CELSR1: variants seen among roughly 807,000 people sequenced by gnomAD.
The protein encoded by CELSR1 is cadherin EGF LAG seven-pass G-type receptor 1.
In CELSR1, 110 loss-of-function variants were observed where a neutral mutation model predicts 249.1. The ratio of observed to expected loss-of-function variants is 0.44; its 90% CI spans 0.38 to 0.52. The LOEUF (loss-of-function observed/expected upper bound fraction) is 0.52. Ranked by LOEUF, CELSR1 falls within the 20% of genes least tolerant of loss-of-function variation. CELSR1 has a pLI of 0.00. For synonymous variants in CELSR1, 2,113 were observed against 1,900.0 expected, an observed-to-expected ratio of 1.11 and a Z score of -2.92; for missense variants, 4,109 against 4,296.4, an observed-to-expected ratio of 0.96 and a Z score of 1.22.
Position 46,434,767 on chromosome 22 carries a change from T to G in CELSR1, c.4523-1286A>C, listed in dbSNP as rs2079638156. Among the ~76,000 whole-genome samples, 2 of 152,052 alleles carry G rather than the reference T, an allele frequency of 1.3e-5. No homozygotes were observed. Among genetic ancestry groups the G allele is most frequent in the African/African-American group, 2.4e-5 (1 of 41,414 alleles). ...ATCCCAGCACTTTGGGAGGCCAAGG[T>G]GGGCGGATCACTTGAGGTCAGGAGT... On this transcript the variant is annotated intron_variant, in intron 4 of 34. Transcript: ENST00000674500. This position sits in a 1 kb window ranked among gnomAD's most constrained non-coding sequence, Gnocchi z 4.9.
At chr22:46,378,824 C>T in intron 22 of CELSR1, 107 bp from the exon 23 acceptor site, 2 of 1,406,626 alleles carry the variant, frequency 1.4e-6, no homozygotes, top group Non-Finnish European at 1.9e-6. Context: ...CCATCCTGGC[C>T]AAACCAAACA....
intron 1 of CELSR1, among the ~76,000 whole-genome samples, chr22:46,489,484 C>G (rs538265194): frequency 8.2e-4 from 125 of 152,104 alleles, no homozygotes; most frequent in African/African-American, 3.0e-3. Context: ...TACGGGACAT[C>G]CACTGCTTGG....
chr22:46,519,901 T>C (rs2080667873), intron 1 of CELSR1, among the ~76,000 whole-genome samples: 1 of 149,170 alleles, frequency 6.7e-6, no homozygotes, highest in Non-Finnish European at 1.5e-5. Flanking sequence ...GAGACAGAGT[T>C]TCGCTCATCG....
At chr22:46,495,544 A>C (rs1465214625) in intron 1 of CELSR1, among the ~76,000 whole-genome samples, 3 of 152,110 alleles carry the variant, frequency 2.0e-5, no homozygotes, top group Admixed American at 1.3e-4. Flanking sequence ...TTATACAGAA[A>C]ATTTTTCTTG....
At chr22:46,384,513 G>C (rs770228954) in intron 20 of CELSR1, 30 bp downstream of exon 20, 1 of 1,563,646 alleles carries the variant, frequency 6.4e-7, no homozygotes, top group Admixed American at 1.9e-5. Context: ...GGGACTCCGA[G>C]GGCAGCAGCA....
At chr22:46,385,802 C>T (rs894621340) in intron 19 of CELSR1, among the ~76,000 whole-genome samples, 4 of 151,730 alleles carry the variant, frequency 2.6e-5, no homozygotes, top group East Asian at 1.9e-4. Flanking sequence ...CTCAGCCTCC[C>T]GAGTAGCTGG....
rs374456665 is a variant in CELSR1 at position 46,522,402 on chromosome 22, C to T, written c.3544+11225G>A. 4.3e-4 allele frequency among the ~76,000 whole-genome samples: 65 copies of T among 152,174 alleles called. 1 individual carries two copies. The highest frequency in any genetic ancestry group is 1.4e-3 in the African/African-American group (58 of 41,454). ...CCAGGATTATAGGCTGGAGCCCCCA[C>T]GCCTGCGGTTTCGACTTGAATTTCC... On this transcript the variant is annotated intron_variant, in intron 1 of 34. Transcript: ENST00000674500.
At position 46,533,731 on chromosome 22, in the gene CELSR1, T is replaced by A. The variant is rs1246637953; in HGVS notation, c.3440A>T (p.Glu1147Val). ...GGGGTCCAGCAGCAACAGGCGCAGC[T>A]CGTTGCCCTGCACGAAGGTGTAGTT... is the stretch of plus-strand genomic sequence containing the variant. ...SLNYTFVQGN[E>V]LRLLLLDPAT... Residue 1147 changes from glutamate (E) to valine (V), a missense_variant, in exon 1 of 35, where the codon GAG becomes GTG. Physicochemically the swap from Glu to Val is moderately radical, Grantham distance 121. Around this residue, in one of 7 missense-constraint regions of CELSR1, gnomAD observed 886 missense variants for 896.5 expected, o/e 0.99. Coordinates refer to ENST00000674500, the MANE Select transcript of CELSR1 (RefSeq NM_001378328.1). 1 of 1,613,104 alleles carries A rather than the reference T, an allele frequency of 6.2e-7. No individual in the cohort carries two copies. The highest frequency in any genetic ancestry group is 8.5e-7 in the Non-Finnish European group (1 of 1,180,010).
intron 1 of CELSR1, among the ~76,000 whole-genome samples, chr22:46,507,080 G>A (rs1356298207): frequency 1.3e-5 from 2 of 152,192 alleles, no homozygotes; most frequent in Non-Finnish European, 2.9e-5. Flanking sequence ...CAGCTACTCG[G>A]GAGGCTGAGG....
chr22:46,477,389 T>C (rs556825241), intron 1 of CELSR1, among the ~76,000 whole-genome samples: 1 of 152,338 alleles, frequency 6.6e-6, no homozygotes, highest in Admixed American at 6.5e-5. Flanking sequence ...AAGGCATTCG[T>C]TTCCTGAACA....
chr22:46,533,898 G>A lies in CELSR1; in HGVS notation c.3273C>T (p.Leu1091=), dbSNP rs752003469. 1.3e-5 allele frequency: 21 copies of A among 1,613,400 alleles called. No individual in the cohort carries two copies. The South Asian group carries it at 1.3e-4, about 10-fold the overall frequency. Residue 1091 remains leucine, a synonymous_variant, in exon 1 of 35, where the codon CTC becomes CTT. Transcript: ENST00000674500. ...LVSRATVHIL[L]VDQNDNPPVL... ...CAGGCGGGTTGTCATTCTGGTCCAC[G>A]AGAAGGATGTGCACCGTGGCTCGGC... is the stretch of plus-strand genomic sequence containing the variant.
At position 46,367,715 on chromosome 22, in the gene CELSR1, C is replaced by T. The variant is rs370530117; in HGVS notation, c.8079+14G>A. On this transcript the variant is annotated intron_variant, in intron 28 of 34. Transcript: ENST00000674500. ...CCAGGCAGGGGTCCCGCGGGCAACTCGGCCGTCACCTACCTGTAAGCCGCT... is the reference window on the plus strand; with the variant it reads ...CCAGGCAGGGGTCCCGCGGGCAACTTGGCCGTCACCTACCTGTAAGCCGCT... 3.4e-5 allele frequency: 54 copies of T among 1,586,228 alleles called. No homozygotes were observed. In the East Asian group the frequency reaches 5.9e-4, roughly 17 times the overall value.
At chr22:46,533,381 A>G (rs751982139) in intron 1 of CELSR1, among the ~76,000 whole-genome samples, 1 of 152,248 alleles carries the variant, frequency 6.6e-6, no homozygotes, top group Non-Finnish European at 1.5e-5. Flanking sequence ...CCGGTCTTGA[A>G]CTTGGGAGAA....
At position 46,381,190 on chromosome 22, in the gene CELSR1, T is replaced by G. The variant is rs1345965055; in HGVS notation, c.7089-235A>C. On this transcript the variant is annotated intron_variant, in intron 21 of 34. Coordinates refer to ENST00000674500, the MANE Select transcript of CELSR1 (RefSeq NM_001378328.1). The surrounding 1 kb of genome is among the most constrained non-coding windows in gnomAD (Gnocchi z 6.0). ...TTGGGTCAAATTGGGACTTCAGAAA[T>G]TTAAAAAGAAAGAGAAGGCACAGGT... Among the ~76,000 whole-genome samples the G allele has an allele frequency of 6.6e-6, 1 of 151,832 alleles. No homozygotes were observed. Among genetic ancestry groups the G allele is most frequent in the Non-Finnish European group, 1.5e-5 (1 of 67,952 alleles).
intron 4 of CELSR1, among the ~76,000 whole-genome samples, chr22:46,435,005 A>G (rs2079641322): frequency 6.6e-6 from 1 of 151,968 alleles, no homozygotes; most frequent in Non-Finnish European, 1.5e-5. Context: ...TCAAAAGAAG[A>G]ACAAAAACAA....
In CELSR1 at chr22:46,423,390, C is replaced by T. The variant is rs2079500564; in HGVS notation, c.4611+10003G>A. On this transcript the variant is annotated intron_variant, in intron 5 of 34. Transcript: ENST00000674500. The surrounding 1 kb of genome is among the most constrained non-coding windows in gnomAD (Gnocchi z 5.6). The stretch of plus-strand genomic sequence containing the variant: ...TTGGGAGGCCGAGGGGGGCAGATCA[C>T]CTGAGGTCAGGAGTTCAAGACCAGC... Among the ~76,000 whole-genome samples, 1 of 151,914 alleles carries T rather than the reference C, an allele frequency of 6.6e-6. No individual in the cohort carries two copies. The highest frequency in any genetic ancestry group is 2.4e-5 in the African/African-American group (1 of 41,348).
intron 5 of CELSR1, among the ~76,000 whole-genome samples, chr22:46,425,251 G>A (rs1441625126): frequency 6.6e-6 from 1 of 152,216 alleles, no homozygotes; most frequent in Non-Finnish European, 1.5e-5. Context: ...AGGAACAGTG[G>A]TCTGTGGTTT....
chr22:46,524,449 T>C (rs1215341681), intron 1 of CELSR1, among the ~76,000 whole-genome samples: 1 of 151,904 alleles, frequency 6.6e-6, no homozygotes. Context: ...CCATGACAAC[T>C]GGAAGGGGCG....
Position 46,517,414 on chromosome 22 carries a change from C to T in CELSR1, c.3544+16213G>A, listed in dbSNP as rs2080639455. ...CGGGGTCATCCCGGCCTGGTTTTCC[C>T]CCAAAACAGACTCCATCTGGCACTT... On this transcript the variant is annotated intron_variant, in intron 1 of 34. Coordinates refer to ENST00000674500, the MANE Select transcript of CELSR1 (RefSeq NM_001378328.1). This position sits in a 1 kb window ranked among gnomAD's most constrained non-coding sequence, Gnocchi z 5.4. Among the ~76,000 whole-genome samples the T allele has an allele frequency of 6.6e-6, 1 of 152,216 alleles. No homozygotes were observed. The highest frequency in any genetic ancestry group is 1.9e-4 in the East Asian group (1 of 5,192).
Sources: allele counts gnomAD v4.1 joint callset (sites outside exome capture counted in the v4.1 genomes callset), GRCh38; gene constraint gnomAD v4.1.1; regional missense constraint gnomAD v4.1.1; non-coding constraint Gnocchi (gnomAD v3.1); transcripts MANE v1.5; gene names NCBI Gene and HGNC (gene_info 2026-07-23, HGNC 2026-07-21).